Variants in UNC79 observed in about 807,000 individuals in gnomAD.
The protein encoded by UNC79 is protein unc-79 homolog.
In UNC79, 37 loss-of-function variants were observed where a neutral mutation model predicts 283.1. That is an observed-to-expected ratio of 0.13 (90% CI 0.10 to 0.17). UNC79 has a LOEUF of 0.17. UNC79 is among the 10% of genes least tolerant of loss of function. UNC79 has a pLI of 1.00. For missense variants in UNC79, 2,272 were observed against 3,211.1 expected, an observed-to-expected ratio of 0.71 and a Z score of 7.07; for synonymous variants, 1,107 against 1,200.2, an observed-to-expected ratio of 0.92 and a Z score of 1.61.
At chr14:93,442,221 G>T (rs1192360303) in intron 1 of UNC79, among the ~76,000 whole-genome samples, 2 of 151,928 alleles carry the variant, frequency 1.3e-5, no homozygotes, top group Non-Finnish European at 2.9e-5. Flanking sequence ...ATAAGTTCAA[G>T]ATGTTTTTTT....
Position 93,594,450 on chromosome 14 carries a change from A to G in UNC79, c.3190+613A>G, listed in dbSNP as rs2064913925. 2.6e-5 allele frequency among the ~76,000 whole-genome samples: 4 copies of G among 152,208 alleles called. No homozygotes were observed. In the South Asian group the frequency reaches 8.3e-4, roughly 32 times the overall value. ...ACACCAGGCTAATTTTTGTATTTTT[A>G]GTAGAGACAAGGTTTCAGTATGTTG... On this transcript the variant is annotated intron_variant, in intron 23 of 48. Coordinates refer to ENST00000555664, the Ensembl canonical transcript of UNC79.
At position 93,639,767 on chromosome 14, in the gene UNC79, T is replaced by A. The variant is rs1375625159; in HGVS notation, c.5801-1378T>A. Among the ~76,000 whole-genome samples the A allele has an allele frequency of 2.0e-5, 3 of 152,258 alleles. No homozygotes were observed. In the East Asian group the frequency reaches 5.8e-4, roughly 29 times the overall value. ...TCTTGACTTTTCAAAGGCTCAACAC[T>A]ATTTTTTCTTCCGAAAATTCAGATT... is the stretch of plus-strand genomic sequence containing the variant. On this transcript the variant is annotated intron_variant, in intron 32 of 48. Coordinates refer to ENST00000555664, the Ensembl canonical transcript of UNC79.
At chr14:93,662,616 C>T in exon 40 of UNC79, 1 of 1,605,802 alleles carries the variant, frequency 6.2e-7, no homozygotes, top group Non-Finnish European at 8.5e-7. Context: ...TTTGTTGGAA[C>T]CATTTTCAAA....
rs558792953 is a variant in UNC79, at chr14:93,412,985, A to G, written c.-350-54686A>G. Among the ~76,000 whole-genome samples, 3 of 152,318 alleles carry G rather than the reference A, an allele frequency of 2.0e-5. No individual in the cohort carries two copies. The South Asian group carries it at 6.2e-4, about 32-fold the overall frequency. On this transcript the variant is annotated intron_variant, in intron 1 of 49. Coordinates refer to the UNC79 transcript ENST00000256339. ...TGCTGATAGTTAAGTACACAAAAAA[A>G]CACAGAGTATTATACCAGTGTAACT... is the stretch of plus-strand genomic sequence containing the variant.
At chr14:93,549,824 G>C (rs911310154) in intron 14 of UNC79, among the ~76,000 whole-genome samples, 3 of 152,206 alleles carry the variant, frequency 2.0e-5, no homozygotes, top group African/African-American at 7.2e-5. Flanking sequence ...ACAAGAGTAG[G>C]TTACAATCTG....
chr14:93,458,626 C>A (rs1243239529), intron 1 of UNC79, among the ~76,000 whole-genome samples: 1 of 152,164 alleles, frequency 6.6e-6, no homozygotes, highest in African/African-American at 2.4e-5. Flanking sequence ...GCATGTTATA[C>A]AAGCAAATTT....
chr14:93,339,660 C>T (rs2053661623), intron 1 of UNC79, among the ~76,000 whole-genome samples: 1 of 152,222 alleles, frequency 6.6e-6, no homozygotes, highest in Non-Finnish European at 1.5e-5. Context: ...TGGCATTTGC[C>T]TCTGAAGGCT....
Position 93,621,633 on chromosome 14 carries a change from T to G in UNC79, c.4400T>G (p.Leu1467Arg). ...CTGTTTTGATCAGGTGAAATAGAAC[T>G]GGCTGAATATAGAGAGACGGGTGCA... Residue 1467 changes from leucine to arginine, a missense_variant, in exon 30 of 49, where the codon CTG becomes CGG. This residue lies in a region of UNC79 where 580 missense variants were observed against 632.2 expected (regional missense o/e 0.92). Coordinates refer to ENST00000555664, the Ensembl canonical transcript of UNC79. This position sits in a 1 kb window ranked among gnomAD's most constrained non-coding sequence, Gnocchi z 4.8. 1 of 1,557,678 alleles carries G rather than the reference T, an allele frequency of 6.4e-7. No individual in the cohort carries two copies.
chr14:93,541,503 C>G (rs1312415829), intron 13 of UNC79, among the ~76,000 whole-genome samples: 1 of 152,124 alleles, frequency 6.6e-6, no homozygotes, highest in East Asian at 1.9e-4. Flanking sequence ...GCATATAGTT[C>G]CGTGAAAGAG....
At chr14:93,655,644 GA>G (rs59172906) in intron 38 of UNC79, among the ~76,000 whole-genome samples, 2,350 of 81,684 alleles carry the variant, frequency 0.029, 12 homozygotes, top group Non-Finnish European at 0.034. Context: ...CAGTTGATTT[GA>G]AAAAAAAAAA....
intron 40 of UNC79, among the ~76,000 whole-genome samples, chr14:93,668,613 G>A (rs1425428670): frequency 6.6e-6 from 1 of 152,002 alleles, no homozygotes; most frequent in Non-Finnish European, 1.5e-5. Flanking sequence ...GGGAGGTGAA[G>A]GTGGGTGGAT....
chr14:93,505,997 A>C (rs766791992), intron 7 of UNC79, among the ~76,000 whole-genome samples: 1 of 151,826 alleles, frequency 6.6e-6, no homozygotes, highest in Admixed American at 6.6e-5. Context: ...TCTACAAAAC[A>C]TAATTACTGT....
chr14:93,513,440 A>G (rs1265989619), intron 7 of UNC79, among the ~76,000 whole-genome samples: 3 of 152,014 alleles, frequency 2.0e-5, no homozygotes, highest in African/African-American at 4.8e-5. Context: ...GCTGGTCTCA[A>G]AATCCTGGGT....
intron 1 of UNC79, among the ~76,000 whole-genome samples, chr14:93,459,430 C>A (rs2056884185): frequency 2.6e-5 from 4 of 152,182 alleles, no homozygotes; most frequent in Admixed American, 2.0e-4. Context: ...TGTCTGCTTA[C>A]TGCAGTTTTA....
At chr14:93,667,558 A>G (rs1331460604) in intron 40 of UNC79, among the ~76,000 whole-genome samples, 3 of 152,172 alleles carry the variant, frequency 2.0e-5, no homozygotes, top group African/African-American at 7.2e-5. Context: ...CAATAGTTAA[A>G]AACCTACCCT....
At chr14:93,543,705 C>T (rs964945499) in intron 14 of UNC79, among the ~76,000 whole-genome samples, 11 of 152,112 alleles carry the variant, frequency 7.2e-5, no homozygotes, top group African/African-American at 2.4e-4. Context: ...GCATCTAACC[C>T]AGAAAGGTGG....
intron 24 of UNC79, among the ~76,000 whole-genome samples, chr14:93,600,094 G>A (rs2065390257): frequency 6.6e-6 from 1 of 152,148 alleles, no homozygotes; most frequent in South Asian, 2.1e-4. Flanking sequence ...CAGCTACTTG[G>A]GAGGCTGAGG....
chr14:93,591,951 A>G (rs972251704), intron 22 of UNC79, among the ~76,000 whole-genome samples: 7 of 152,176 alleles, frequency 4.6e-5, no homozygotes, highest in Non-Finnish European at 1.0e-4. Flanking sequence ...AGTGTGTACC[A>G]CAGTTGGTTT....
At chr14:93,427,111 C>A (rs1231025524), upstream of UNC79, among the ~76,000 whole-genome samples, 1 of 152,140 alleles carries the variant, frequency 6.6e-6, no homozygotes, top group South Asian at 2.1e-4. Context: ...TGCATGCAGG[C>A]TTTCACATGT....
Sources: gnomAD v4.1 joint callset for allele counts (sites outside exome capture counted in the v4.1 genomes callset) on GRCh38, gnomAD v4.1.1 for gene constraint, gnomAD v4.1.1 regional missense constraint, Gnocchi (gnomAD v3.1) non-coding constraint, MANE v1.5 for transcripts, NCBI Gene and HGNC (gene_info 2026-07-23, HGNC 2026-07-21) for gene names.